Variants in PRKG1 observed in about 807,000 individuals in gnomAD.
PRKG1 encodes the protein protein kinase cGMP-dependent 1, also known as cGMP-dependent protein kinase 1.
PRKG1 carries 35 observed loss-of-function variants against 88.1 expected under a neutral mutation model. The ratio of observed to expected loss-of-function variants is 0.40; its 90% CI spans 0.30 to 0.53. The LOEUF is 0.53. Among genes scored for constraint, PRKG1 ranks in the 20% least tolerant of loss-of-function variants. The pLI is 0.59. For missense variants in PRKG1, 540 were observed against 839.8 expected, an observed-to-expected ratio of 0.64 and a Z score of 4.41; for synonymous variants, 303 against 292.5, an observed-to-expected ratio of 1.04 and a Z score of -0.37.
chr10:52,278,089 T>C (rs1841916586), intron 12 of PRKG1, among the ~76,000 whole-genome samples: 1 of 151,670 alleles, frequency 6.6e-6, no homozygotes, highest in African/African-American at 2.4e-5. Context: ...ATATCCAGAA[T>C]CTACAAGGAA....
chr10:52,287,902 C>T (rs1842157265), intron 14 of PRKG1, among the ~76,000 whole-genome samples: 1 of 151,942 alleles, frequency 6.6e-6, no homozygotes. Context: ...ATGCTGCAAA[C>T]TCTACTCAAC....
intron 2 of PRKG1, among the ~76,000 whole-genome samples, chr10:51,430,240 T>C (rs749857505): frequency 1.3e-5 from 2 of 151,478 alleles, no homozygotes; most frequent in Non-Finnish European, 2.9e-5. Flanking sequence ...CATAGCAAGA[T>C]CTCGTCTCTA....
At chr10:51,704,250 CAGATAGAT>C (rs532903749) in intron 3 of PRKG1, among the ~76,000 whole-genome samples, 1 of 149,346 alleles carries the variant, frequency 6.7e-6, no homozygotes, top group African/African-American at 2.5e-5. Context: ...GACAGACAGA[CAGATAGAT>C]AGATAGATAG....
intron 5 of PRKG1, among the ~76,000 whole-genome samples, chr10:51,993,920 G>A (rs7072809): frequency 0.021 from 3,242 of 152,172 alleles, 109 homozygotes; most frequent in African/African-American, 0.075. Context: ...TCTTTACTAG[G>A]TTAACTTTCT....
chr10:52,277,282 G>C (rs1841896019), intron 12 of PRKG1, among the ~76,000 whole-genome samples: 1 of 152,166 alleles, frequency 6.6e-6, no homozygotes, highest in Non-Finnish European at 1.5e-5. Context: ...GAGTTGATTT[G>C]TGGCAGTTAG....
At chr10:51,590,905 G>T in intron 3 of PRKG1, among the ~76,000 whole-genome samples, 1 of 152,104 alleles carries the variant, frequency 6.6e-6, no homozygotes, top group East Asian at 1.9e-4. Flanking sequence ...AAACTTTATT[G>T]AACACTTACT....
intron 3 of PRKG1, among the ~76,000 whole-genome samples, chr10:51,546,239 A>G (rs1346802251): frequency 1.3e-5 from 2 of 152,084 alleles, no homozygotes; most frequent in East Asian, 1.9e-4. Context: ...AAACATTGTT[A>G]TATGTGTGTA....
intron 3 of PRKG1, among the ~76,000 whole-genome samples, chr10:51,606,904 C>T (rs1838780981): frequency 6.6e-6 from 1 of 152,064 alleles, no homozygotes; most frequent in East Asian, 1.9e-4. Flanking sequence ...GGTAGGCTAC[C>T]CAAGCTAATC....
intron 5 of PRKG1, among the ~76,000 whole-genome samples, chr10:51,925,214 T>TG (rs1842548428): frequency 1.1e-4 from 1 of 9,340 alleles, no homozygotes. Context: ...TTTTTGTCTG[T>TG]TTGGCAAGAA....
chr10:51,360,647 A>G (rs555115493), intron 2 of PRKG1, among the ~76,000 whole-genome samples: 2 of 151,940 alleles, frequency 1.3e-5, no homozygotes, highest in African/African-American at 4.8e-5. Flanking sequence ...TGCAGAGTAC[A>G]TAATTATTAC....
At chr10:51,272,264 T>G (rs1280388262) in intron 2 of PRKG1, among the ~76,000 whole-genome samples, 1 of 152,112 alleles carries the variant, frequency 6.6e-6, no homozygotes, top group Non-Finnish European at 1.5e-5. Flanking sequence ...TTGATGGGGT[T>G]GTTGAAAACC....
intron 7 of PRKG1, among the ~76,000 whole-genome samples, chr10:52,091,183 T>A (rs537736749): frequency 1.3e-5 from 2 of 152,332 alleles, no homozygotes; most frequent in East Asian, 3.9e-4. Context: ...GTTGGCAGAA[T>A]TTAATTCCTT....
At chr10:51,417,687 C>T (rs537904532) in intron 2 of PRKG1, among the ~76,000 whole-genome samples, 1 of 152,242 alleles carries the variant, frequency 6.6e-6, no homozygotes, top group Admixed American at 6.5e-5. Flanking sequence ...TCATTGTTTT[C>T]TCATTTTCCC....
chr10:52,207,385 G>GGGCAT (rs1839848081), intron 9 of PRKG1, among the ~76,000 whole-genome samples: 1 of 152,132 alleles, frequency 6.6e-6, no homozygotes, highest in South Asian at 2.1e-4. Context: ...CATTAAAAGT[G>GGGCAT]GGCATGGCCA....
chr10:51,016,525 A>G lies in PRKG1; in HGVS notation c.266+24881A>G, dbSNP rs183364047. On this transcript the variant is annotated intron_variant, in intron 1 of 17. Coordinates refer to the PRKG1 transcript ENST00000401604. ...TCTTCTGAATATTGTTTATTTCCTA[A>G]AGAAGGACAAAGACTAATAGGCAAT... is the stretch of plus-strand genomic sequence containing the variant. Among the ~76,000 whole-genome samples the G allele has an allele frequency of 4.7e-4, 71 of 152,106 alleles. 1 individual carries two copies. The East Asian group carries it at 0.013, about 28-fold the overall frequency.
At chr10:52,018,748 C>T (rs1303307906) in intron 5 of PRKG1, among the ~76,000 whole-genome samples, 1 of 152,026 alleles carries the variant, frequency 6.6e-6, no homozygotes, top group East Asian at 1.9e-4. Flanking sequence ...AAGACCTCTA[C>T]AATAGGGAAG....
chr10:51,767,231 G>A (rs911099431), intron 3 of PRKG1, among the ~76,000 whole-genome samples: 11 of 152,112 alleles, frequency 7.2e-5, no homozygotes, highest in Admixed American at 2.0e-4. Context: ...GGAGATTGGC[G>A]TAAATGCACA....
intron 2 of PRKG1, among the ~76,000 whole-genome samples, chr10:51,450,217 G>A (rs1426536739): frequency 6.6e-6 from 1 of 151,916 alleles, no homozygotes; most frequent in Non-Finnish European, 1.5e-5. Context: ...TAGAAGAATG[G>A]TTAACATAAA....
chr10:51,811,469 C>G (rs941458521), intron 4 of PRKG1, among the ~76,000 whole-genome samples: 2 of 151,744 alleles, frequency 1.3e-5, no homozygotes, highest in South Asian at 4.2e-4. Flanking sequence ...AAAGTGTAGT[C>G]GGGAGAGAAT....
Sources: allele counts gnomAD v4.1 joint callset (sites outside exome capture counted in the v4.1 genomes callset), GRCh38; gene constraint gnomAD v4.1.1; transcripts MANE v1.5; gene names NCBI Gene and HGNC (gene_info 2026-07-23, HGNC 2026-07-21).